The following SEM1 variants were observed in gnomAD, a reference collection of about 807,000 sequenced individuals.
SEM1 encodes SEM1 26S proteasome subunit.
In SEM1, 3 loss-of-function variants were observed where a neutral mutation model predicts 12.7. That is an observed-to-expected ratio of 0.24 (90% CI 0.11 to 0.61). SEM1 has a LOEUF of 0.61. Among genes scored for constraint, SEM1 ranks in the 20% least tolerant of loss-of-function variants. SEM1 has a pLI of 0.88. For synonymous variants in SEM1, 30 were observed against 27.8 expected (o/e 1.08, Z -0.25); for missense variants, 59 against 81.3 (o/e 0.73, Z 1.06).
chr7:96,516,335 G>T (rs10252811), intron 2 of SEM1, among the ~76,000 whole-genome samples: 6 of 152,160 alleles, frequency 3.9e-5, no homozygotes, highest in Admixed American at 6.5e-5. Context: ...CAAGAGATAC[G>T]TCTGATAAAA....
chr7:96,639,410 T>C (rs1314353634), intron 2 of SEM1, among the ~76,000 whole-genome samples: 3 of 151,976 alleles, frequency 2.0e-5, no homozygotes, highest in African/African-American at 7.2e-5. Flanking sequence ...ACAGAATAGA[T>C]TACCCAGAAA....
chr7:96,524,449 A>G (rs1804383981), intron 2 of SEM1, among the ~76,000 whole-genome samples: 1 of 152,170 alleles, frequency 6.6e-6, no homozygotes, highest in Middle Eastern at 3.4e-3. Flanking sequence ...TTTTATTTTA[A>G]TTAACTTAAA....
intron 2 of SEM1, among the ~76,000 whole-genome samples, chr7:96,547,992 T>G (rs1437403894): frequency 6.6e-6 from 1 of 152,044 alleles, no homozygotes; most frequent in East Asian, 1.9e-4. Context: ...AAAGTTGAGA[T>G]GGGGAGGTAC....
At chr7:96,619,126 C>T (rs564964817), downstream of SEM1, among the ~76,000 whole-genome samples, 2 of 152,126 alleles carry the variant, frequency 1.3e-5, no homozygotes, top group African/African-American at 2.4e-5. Context: ...ACTTGCTAGA[C>T]AATTGTTGTG....
chr7:96,551,729 G>GA (rs35175397), intron 2 of SEM1, among the ~76,000 whole-genome samples: 86,589 of 141,628 alleles, frequency 0.61, 27,261 homozygotes, highest in Non-Finnish European at 0.69. Flanking sequence ...AAAAAGAAAA[G>GA]AAAAAAAAGA....
At chr7:96,488,127 G>A (rs1802845004) in intron 1 of SEM1, among the ~76,000 whole-genome samples, 1 of 152,142 alleles carries the variant, frequency 6.6e-6, no homozygotes, top group Non-Finnish European at 1.5e-5. Flanking sequence ...CCAAGGGAGA[G>A]CATGGTCTTC....
At chr7:96,638,496 A>T (rs1373777943) in intron 2 of SEM1, among the ~76,000 whole-genome samples, 4 of 152,024 alleles carry the variant, frequency 2.6e-5, no homozygotes, top group Non-Finnish European at 4.4e-5. Context: ...TGATAAACTC[A>T]GAAAATATAG....
chr7:96,695,140 G>A, intron 1 of SEM1: 1 of 299,024 alleles, frequency 3.3e-6, no homozygotes, highest in Non-Finnish European at 6.1e-6. Flanking sequence ...AATTTCAGGA[G>A]GATATTTACT....
chr7:96,655,075 A>G (rs576167360), intron 2 of SEM1, among the ~76,000 whole-genome samples: 5 of 152,172 alleles, frequency 3.3e-5, no homozygotes, highest in Admixed American at 6.5e-5. Context: ...CAGGAAGCCA[A>G]CTTCTTTTCA....
At chr7:96,485,105 G>T (rs935581907) in intron 2 of SEM1, among the ~76,000 whole-genome samples, 4 of 152,186 alleles carry the variant, frequency 2.6e-5, no homozygotes, top group African/African-American at 9.6e-5. Flanking sequence ...CGAAGTAAAT[G>T]TTTTGCCAGT....
At chr7:96,571,831 C>G (rs1806039610) in intron 2 of SEM1, among the ~76,000 whole-genome samples, 1 of 151,978 alleles carries the variant, frequency 6.6e-6, no homozygotes, top group Non-Finnish European at 1.5e-5. Context: ...GGAGGAGTCC[C>G]TCTTTTTCTA....
intron 1 of SEM1, among the ~76,000 whole-genome samples, chr7:96,699,790 A>C (rs1790214449): frequency 6.6e-6 from 1 of 152,212 alleles, no homozygotes; most frequent in Non-Finnish European, 1.5e-5. Context: ...CCAACAGGTA[A>C]GAGAAACAAA....
intron 2 of SEM1, among the ~76,000 whole-genome samples, chr7:96,597,666 T>C (rs1807045165): frequency 7.9e-6 from 1 of 126,114 alleles, no homozygotes; most frequent in Non-Finnish European, 1.6e-5. Flanking sequence ...ATTTCTCATA[T>C]AGTATATATG....
At chr7:96,632,784 GT>G (rs11296451) in intron 2 of SEM1, among the ~76,000 whole-genome samples, 80,141 of 109,930 alleles carry the variant, frequency 0.73, 29,279 homozygotes, top group East Asian at 0.92. Context: ...GTTGTTTTTT[GT>G]TTTTTTTTTT....
At chr7:96,681,385 A>T (rs1789607423) in intron 2 of SEM1, among the ~76,000 whole-genome samples, 1 of 152,116 alleles carries the variant, frequency 6.6e-6, no homozygotes, top group South Asian at 2.1e-4. Context: ...GTAAATCCTA[A>T]TAAGCAACAG....
intron 2 of SEM1, among the ~76,000 whole-genome samples, chr7:96,588,397 CGAG>C (rs1407582391): frequency 1.4e-5 from 1 of 72,220 alleles, no homozygotes; most frequent in African/African-American, 4.6e-5. Flanking sequence ...CACACACACA[CGAG>C]AGAGAGAGAG....
intron 2 of SEM1, among the ~76,000 whole-genome samples, chr7:96,513,129 G>A (rs1371078143): frequency 6.6e-6 from 1 of 152,014 alleles, no homozygotes; most frequent in Non-Finnish European, 1.5e-5. Context: ...TGGGAAGTTT[G>A]GATACGGAGA....
intron 2 of SEM1, among the ~76,000 whole-genome samples, chr7:96,665,384 A>G (rs1789142554): frequency 6.6e-6 from 1 of 152,246 alleles, no homozygotes; most frequent in Admixed American, 6.5e-5. Flanking sequence ...CCGCCTAAAA[A>G]TATGGCCTTG....
chr7:96,540,524 A>G (rs1341721175), intron 2 of SEM1, among the ~76,000 whole-genome samples: 1 of 151,880 alleles, frequency 6.6e-6, no homozygotes, highest in Admixed American at 6.6e-5. Flanking sequence ...TTACACAAAT[A>G]TTTATAACCA....
Sources: gnomAD v4.1 joint callset for allele counts (sites outside exome capture counted in the v4.1 genomes callset) on GRCh38, gnomAD v4.1.1 for gene constraint, MANE v1.5 for transcripts, NCBI Gene and HGNC (gene_info 2026-07-23, HGNC 2026-07-21) for gene names.